SEMA4D: variants seen among roughly 807,000 people sequenced by gnomAD.
SEMA4D encodes semaphorin 4D.
In SEMA4D, 22 loss-of-function variants were observed where a neutral mutation model predicts 74.8. That is an observed-to-expected ratio of 0.29 (90% CI 0.21 to 0.42). The LOEUF (loss-of-function observed/expected upper bound fraction) is 0.42. Among genes scored for constraint, SEMA4D ranks in the 10% least tolerant of loss-of-function variants. The probability of loss-of-function intolerance (pLI) is 1.00; values close to 1 mark genes in which losing one functional copy is unlikely to be tolerated. For synonymous variants in SEMA4D, 445 were observed against 463.7 expected (o/e 0.96, Z 0.52); for missense variants, 937 against 1,118.4 (o/e 0.84, Z 2.31).
Position 89,453,780 on chromosome 9 carries a change from T to C in SEMA4D, c.-244+2108A>G, listed in dbSNP as rs140275226. On this transcript the variant is annotated intron_variant, in intron 2 of 15. Coordinates refer to ENST00000422704, the MANE Select transcript of SEMA4D (RefSeq NM_001371194.2). ...ACAAAGGCTGGCAAAGCACCTTATA[T>C]GGGCCACTTCACGCTGGGAAAAGTC... Among the ~76,000 whole-genome samples the C allele has an allele frequency of 4.7e-3, 708 of 152,162 alleles. 4 individuals carry two copies. Among genetic ancestry groups the C allele is most frequent in the Middle Eastern group, 0.014 (4 of 290 alleles).
chr9:89,440,649 A>T (rs1223980679), intron 2 of SEMA4D, among the ~76,000 whole-genome samples: 6 of 152,220 alleles, frequency 3.9e-5, no homozygotes. Flanking sequence ...TGCAAGACTT[A>T]TTCATGTTCC....
intron 13 of SEMA4D, among the ~76,000 whole-genome samples, chr9:89,382,526 A>G (rs1487790142): frequency 1.3e-5 from 2 of 152,104 alleles, no homozygotes; most frequent in East Asian, 3.9e-4. Flanking sequence ...AAAGCCCCCA[A>G]GGATGGAAAC....
At chr9:89,450,860 T>TG in intron 2 of SEMA4D, 1 of 532,354 alleles carries the variant, frequency 1.9e-6, no homozygotes, top group Non-Finnish European at 3.2e-6. Flanking sequence ...GCCAGCAGAG[T>TG]GGGGGTGTCC....
At position 89,492,658 on chromosome 9, in the gene SEMA4D, T is replaced by G. The variant is rs1273276728; in HGVS notation, c.-310+5261A>C. Among the ~76,000 whole-genome samples the G allele has an allele frequency of 6.6e-6, 1 of 152,092 alleles. No individual in the cohort carries two copies. Among genetic ancestry groups the G allele is most frequent in the African/African-American group, 2.4e-5 (1 of 41,406 alleles). Reference sequence around the variant, plus strand: ...GCAACTCTACCCTTCCAACACCCGATCCAAGACTCTTGGGTCATCCTGGAC... The same window carrying G: ...GCAACTCTACCCTTCCAACACCCGAGCCAAGACTCTTGGGTCATCCTGGAC... On this transcript the variant is annotated intron_variant, in intron 1 of 15. Transcript: ENST00000422704. The surrounding 1 kb of genome is among the most constrained non-coding windows in gnomAD (Gnocchi z 4.3).
chr9:89,401,793 C>T (rs561525467), intron 4 of SEMA4D, among the ~76,000 whole-genome samples: 23 of 152,284 alleles, frequency 1.5e-4, no homozygotes, highest in Non-Finnish European at 1.9e-4. Flanking sequence ...GGGACCTCTA[C>T]GGACCAAAAT....
intron 8 of SEMA4D, 151 bp downstream of exon 8, chr9:89,392,272 T>C (rs1283597281): frequency 5.0e-6 from 3 of 602,488 alleles, no homozygotes; most frequent in Non-Finnish European, 8.9e-6. Context: ...ACTCTGGCCA[T>C]TGCTGGACAG....
At chr9:89,398,303 AG>A (rs996499783) in intron 5 of SEMA4D, among the ~76,000 whole-genome samples, 1 of 152,176 alleles carries the variant, frequency 6.6e-6, no homozygotes, top group Non-Finnish European at 1.5e-5. Flanking sequence ...TTGACTTCAG[AG>A]GGATGGCTGG....
intron 11 of SEMA4D, among the ~76,000 whole-genome samples, chr9:89,388,001 C>T (rs1056946067): frequency 1.3e-5 from 2 of 152,202 alleles, no homozygotes; most frequent in Admixed American, 1.3e-4. Flanking sequence ...CTGAGGGATT[C>T]TTTTTTCCTG....
intron 8 of SEMA4D, 76 bp from the exon 9 acceptor site, chr9:89,391,491 G>C: frequency 6.8e-7 from 1 of 1,472,564 alleles, no homozygotes; most frequent in Non-Finnish European, 9.4e-7. Flanking sequence ...CACGAGGCCG[G>C]CCAACACTAC....
At chr9:89,478,983 C>G (rs183983674) in intron 1 of SEMA4D, among the ~76,000 whole-genome samples, 2 of 152,218 alleles carry the variant, frequency 1.3e-5, no homozygotes, top group Non-Finnish European at 2.9e-5. Context: ...GCTGACACAC[C>G]TAATTACCAA....
intron 16 of SEMA4D, among the ~76,000 whole-genome samples, chr9:89,366,430 T>G (rs1166433473): frequency 6.6e-6 from 1 of 152,250 alleles, no homozygotes; most frequent in Admixed American, 6.5e-5. Context: ...CAGAAGGTGC[T>G]CCAAAACTGT....
At position 89,379,311 on chromosome 9, in the gene SEMA4D, A is replaced by C. The variant is rs765041648; in HGVS notation, c.1982T>G (p.Val661Gly). The change falls in exon 16 of 16, where the codon GTT becomes GGT. Residue 661 changes from valine (V) to glycine (G), a missense_variant. Coordinates refer to ENST00000422704, the MANE Select transcript of SEMA4D (RefSeq NM_001371194.2). ...GGCAATCCTACTACCTTCTGTCTGA[A>C]CAACTGACAAGGTGGGGGCCACTAC... ...KPVVAPTLSV[V>G]QTEGSRIATK... 7 of 1,614,022 alleles carry C rather than the reference A, an allele frequency of 4.3e-6. No individual in the cohort carries two copies. In the African/African-American group the frequency reaches 6.7e-5, roughly 15 times the overall value.
intron 1 of SEMA4D, among the ~76,000 whole-genome samples, chr9:89,470,887 T>C (rs948810526): frequency 1.3e-5 from 2 of 152,258 alleles, no homozygotes; most frequent in Middle Eastern, 3.4e-3. Flanking sequence ...TATAAGTGAT[T>C]GGGAGGGAGC....
intron 17 of SEMA4D, chr9:89,363,698 A>G (rs1453386464): frequency 1.9e-6 from 3 of 1,598,568 alleles, no homozygotes; most frequent in Non-Finnish European, 2.6e-6. Flanking sequence ...ATAGTGAAAA[A>G]TTACCTCATA....
Position 89,405,458 on chromosome 9 carries a change from A to T in SEMA4D, c.-2T>A. On this transcript the variant is annotated 5_prime_UTR_variant, in exon 3 of 16. Transcript: ENST00000422704. ...CCTAATGGGGGTGCACATCCTCATC[A>T]GGTAGAGGCGACCCCAGGGGCTTCA... is the stretch of plus-strand genomic sequence containing the variant. 1 of 1,613,440 alleles carries T rather than the reference A, an allele frequency of 6.2e-7. No homozygotes were observed. The highest frequency in any genetic ancestry group is 8.5e-7 in the Non-Finnish European group (1 of 1,179,992).
chr9:89,479,410 G>C (rs977717556), intron 1 of SEMA4D, among the ~76,000 whole-genome samples: 8 of 152,210 alleles, frequency 5.3e-5, no homozygotes, highest in African/African-American at 1.9e-4. Context: ...CTCAGTGTTT[G>C]TTACTTCAAC....
At chr9:89,380,669 G>A (rs959088553) in intron 15 of SEMA4D, among the ~76,000 whole-genome samples, 2 of 152,148 alleles carry the variant, frequency 1.3e-5, no homozygotes, top group African/African-American at 4.8e-5. Flanking sequence ...CCACAGGCGG[G>A]TGAATCCCAG....
chr9:89,445,846 C>A (rs1852693506), intron 2 of SEMA4D, among the ~76,000 whole-genome samples: 2 of 152,164 alleles, frequency 1.3e-5, no homozygotes, highest in African/African-American at 4.8e-5. Context: ...ATACCCAGGC[C>A]TCAGGCGGGT....
downstream of SEMA4D, among the ~76,000 whole-genome samples, chr9:89,372,534 G>A (rs528343365): frequency 1.2e-4 from 18 of 151,826 alleles, no homozygotes; most frequent in South Asian, 2.1e-4. Flanking sequence ...GGGCCAACGC[G>A]GTGCAGGATG....
Sources: gnomAD v4.1 joint callset for allele counts (sites outside exome capture counted in the v4.1 genomes callset) on GRCh38, gnomAD v4.1.1 for gene constraint, Gnocchi (gnomAD v3.1) non-coding constraint, MANE v1.5 for transcripts, NCBI Gene and HGNC (gene_info 2026-07-23, HGNC 2026-07-21) for gene names.